The following FGF14 variants were observed in gnomAD, a reference collection of about 807,000 sequenced individuals.
FGF14 encodes fibroblast growth factor homologous factor 4.
Under a neutral mutation model 25.5 loss-of-function variants are expected in FGF14, and 5 were observed. That is an observed-to-expected ratio of 0.20 (90% CI 0.10 to 0.41). The LOEUF is 0.41. FGF14 is among the 10% of genes least tolerant of loss of function. The pLI is 1.00. For missense variants in FGF14, 222 were observed against 320.1 expected, an observed-to-expected ratio of 0.69 and a Z score of 2.34; for synonymous variants, 138 against 118.3, an observed-to-expected ratio of 1.17 and a Z score of -1.08.
intron 1 of FGF14, among the ~76,000 whole-genome samples, chr13:101,961,425 A>G (rs4771412): frequency 6.6e-6 from 1 of 152,048 alleles, no homozygotes; most frequent in Non-Finnish European, 1.5e-5. Context: ...ATTTTCCCAG[A>G]ACCATTTATT....
At chr13:101,736,235 T>C (rs1281558851) in intron 3 of FGF14, among the ~76,000 whole-genome samples, 8 of 151,824 alleles carry the variant, frequency 5.3e-5, no homozygotes, top group Non-Finnish European at 7.4e-5. Context: ...TATATATACA[T>C]AACTATATCA....
intron 1 of FGF14, among the ~76,000 whole-genome samples, chr13:102,234,763 T>TAAAAAA (rs2051253462): frequency 6.6e-6 from 1 of 152,184 alleles, no homozygotes; most frequent in Non-Finnish European, 1.5e-5. Flanking sequence ...ATAAATTACA[T>TAAAAAA]CTGAGCTTAT....
chr13:101,988,313 A>ATAGCTCAGGGAGAAGGAAAAG (rs2038704201), intron 1 of FGF14, among the ~76,000 whole-genome samples: 1 of 151,950 alleles, frequency 6.6e-6, no homozygotes, highest in Admixed American at 6.6e-5. Flanking sequence ...GTTCATCAAA[A>ATAGCTCAGGGAGAAGGAAAAG]TAGCTCAGGG....
chr13:101,735,443 G>C (rs940805603), intron 3 of FGF14, among the ~76,000 whole-genome samples: 5 of 152,020 alleles, frequency 3.3e-5, no homozygotes, highest in African/African-American at 4.8e-5. Flanking sequence ...GAGGTGACAC[G>C]TCTCTTAGAA....
intron 3 of FGF14, among the ~76,000 whole-genome samples, chr13:101,729,758 A>AAATC (rs1243053972): frequency 6.6e-6 from 1 of 151,856 alleles, no homozygotes; most frequent in African/African-American, 2.4e-5. Flanking sequence ...AAATCTCACC[A>AAATC]AAAGTCAGCT....
rs540492585 is a variant in FGF14 at position 102,291,150 on chromosome 13, C to G, written c.208+110321G>C. On this transcript the variant is annotated intron_variant, in intron 1 of 4. Coordinates refer to the FGF14 transcript ENST00000376131. ...AAAGATGCTTTGCTAAAAAGCATGA[C>G]TGATAGAAATTTTCTAACTTTTCAG... Among the ~76,000 whole-genome samples the G allele has an allele frequency of 6.6e-5, 10 of 152,076 alleles. No individual in the cohort carries two copies. The South Asian group carries it at 2.1e-3, about 32-fold the overall frequency.
intron 1 of FGF14, among the ~76,000 whole-genome samples, chr13:102,138,939 A>G (rs2046521077): frequency 1.3e-5 from 2 of 152,206 alleles, no homozygotes; most frequent in African/African-American, 4.8e-5. Context: ...TGTAAAAGCT[A>G]TGAGTTTTCT....
upstream of FGF14, among the ~76,000 whole-genome samples, chr13:101,920,849 A>C (rs1299894804): frequency 6.6e-6 from 1 of 152,218 alleles, no homozygotes; most frequent in Non-Finnish European, 1.5e-5. Flanking sequence ...GATAATAAAA[A>C]CATTTCTCTA....
chr13:101,808,840 T>G (rs1325883212), intron 3 of FGF14, among the ~76,000 whole-genome samples: 1 of 152,134 alleles, frequency 6.6e-6, no homozygotes, highest in Non-Finnish European at 1.5e-5. Flanking sequence ...TTGAAATACT[T>G]TACTATTAAT....
At chr13:102,252,054 C>A (rs534751958) in intron 1 of FGF14, among the ~76,000 whole-genome samples, 1 of 152,132 alleles carries the variant, frequency 6.6e-6, no homozygotes, top group Non-Finnish European at 1.5e-5. Context: ...ACCTGTATAT[C>A]GATGCGGCTA....
chr13:101,791,739 T>G (rs537090383), intron 3 of FGF14, among the ~76,000 whole-genome samples: 1 of 152,184 alleles, frequency 6.6e-6, no homozygotes, highest in South Asian at 2.1e-4. Context: ...CTGACCAACT[T>G]TGAGTAAAAT....
chr13:101,852,724 C>T (rs929273341), intron 3 of FGF14, among the ~76,000 whole-genome samples: 7 of 152,056 alleles, frequency 4.6e-5, no homozygotes, highest in African/African-American at 1.7e-4. Context: ...CTTTCCCTAC[C>T]TGATCCACCT....
intron 1 of FGF14, among the ~76,000 whole-genome samples, chr13:101,894,571 A>G (rs933668720): frequency 2.0e-5 from 3 of 152,138 alleles, no homozygotes; most frequent in Admixed American, 6.6e-5. Context: ...TCCCATTTTA[A>G]CCTACTATTT....
chr13:101,799,320 C>T (rs2040736603), intron 3 of FGF14, among the ~76,000 whole-genome samples: 1 of 152,022 alleles, frequency 6.6e-6, no homozygotes. Flanking sequence ...AGAGAAGTCA[C>T]ATCAGTGCCT....
chr13:102,230,631 A>C (rs529823845), intron 1 of FGF14, among the ~76,000 whole-genome samples: 239 of 152,246 alleles, frequency 1.6e-3, no homozygotes, highest in African/African-American at 5.2e-3. Context: ...GTCCAGAAAA[A>C]GGAGGTGTGT....
intron 3 of FGF14, among the ~76,000 whole-genome samples, chr13:101,791,455 C>T (rs1344866092): frequency 6.6e-6 from 1 of 152,032 alleles, no homozygotes; most frequent in Non-Finnish European, 1.5e-5. Flanking sequence ...ATATAGTAGT[C>T]GACAAAGGAC....
chr13:101,756,064 C>T (rs527781806), intron 3 of FGF14, among the ~76,000 whole-genome samples: 8 of 152,220 alleles, frequency 5.3e-5, no homozygotes, highest in South Asian at 2.1e-4. Context: ...TATTTTAGTA[C>T]GAGAGCACAG....
At chr13:102,260,306 C>A (rs976325064) in intron 1 of FGF14, among the ~76,000 whole-genome samples, 1 of 152,152 alleles carries the variant, frequency 6.6e-6, no homozygotes, top group African/African-American at 2.4e-5. Context: ...TAGATCAGTT[C>A]GCCACTGATC....
intron 1 of FGF14, among the ~76,000 whole-genome samples, chr13:102,127,507 G>A (rs1426912247): frequency 8.5e-5 from 13 of 152,172 alleles, no homozygotes; most frequent in Non-Finnish European, 1.6e-4. Context: ...TTCTGTAAGA[G>A]TTATCTATCA....
Sources: gnomAD v4.1 joint callset for allele counts (sites outside exome capture counted in the v4.1 genomes callset) on GRCh38, gnomAD v4.1.1 for gene constraint, MANE v1.5 for transcripts, NCBI Gene and HGNC (gene_info 2026-07-23, HGNC 2026-07-21) for gene names.